Variants in CDIN1 observed in about 807,000 individuals in gnomAD.
The protein encoded by CDIN1 is CDAN1 interacting nuclease 1.
In CDIN1, 33 loss-of-function variants were observed where a neutral mutation model predicts 45.3. The observed-to-expected ratio is 0.73, with a 90% CI of 0.55 to 0.97. The LOEUF (loss-of-function observed/expected upper bound fraction) is 0.97. Ranked by LOEUF, CDIN1 falls within the 50% of genes least tolerant of loss-of-function variation. The pLI is 0.00. For synonymous variants in CDIN1, 118 were observed against 124.4 expected, an observed-to-expected ratio of 0.95 and a Z score of 0.34; for missense variants, 303 against 339.4, an observed-to-expected ratio of 0.89 and a Z score of 0.84.
chr15:36,762,001 G>A (rs2053777641), intron 10 of CDIN1, among the ~76,000 whole-genome samples: 1 of 152,172 alleles, frequency 6.6e-6, no homozygotes, highest in African/African-American at 2.4e-5. Context: ...CTCACAGGCT[G>A]GCCCCGGAAG....
chr15:36,619,241 A>C (rs1265946069), intron 1 of CDIN1: 1 of 1,296,880 alleles, frequency 7.7e-7, no homozygotes, highest in Non-Finnish European at 1.0e-6. Flanking sequence ...GGCAAAGAGC[A>C]ATATGTGCCA....
chr15:36,691,746 A>G lies in CDIN1; in HGVS notation c.408A>G (p.Leu136=). Residue 136 remains leucine (L), a synonymous_variant, in exon 6 of 11, where the codon CTA becomes CTG. Coordinates refer to ENST00000566621, the MANE Select transcript of CDIN1 (RefSeq NM_001321759.2). ...CTTCTCAGATTCCAGATGGAGTTCT[A>G]GCAAATCAGGTCTATCAGGTATTAA... ...RDPSQIPDGV[L]ANQVYQCIVN... 6.2e-7 allele frequency: 1 copy of G among 1,600,476 alleles called. No homozygotes were observed. The highest frequency in any genetic ancestry group is 8.5e-7 in the Non-Finnish European group (1 of 1,171,918).
At chr15:36,630,120 G>T (rs753346223) in intron 1 of CDIN1, among the ~76,000 whole-genome samples, 10 of 152,122 alleles carry the variant, frequency 6.6e-5, no homozygotes, top group Non-Finnish European at 1.3e-4. Context: ...GTGAATAAAA[G>T]AAGTTAATTA....
At chr15:36,722,275 G>A (rs1014921885) in intron 10 of CDIN1, among the ~76,000 whole-genome samples, 4 of 148,524 alleles carry the variant, frequency 2.7e-5, no homozygotes, top group African/African-American at 1.0e-4. Context: ...AGAGTACTGT[G>A]CAGTCCTTCA....
At chr15:36,598,355 A>C (rs2037935127) in intron 1 of CDIN1, among the ~76,000 whole-genome samples, 1 of 147,560 alleles carries the variant, frequency 6.8e-6, no homozygotes, top group African/African-American at 2.5e-5. Context: ...TTTTAAACAA[A>C]ATAGTCCATT....
intron 10 of CDIN1, among the ~76,000 whole-genome samples, chr15:36,774,955 G>C (rs1323070318): frequency 1.3e-5 from 2 of 152,224 alleles, no homozygotes; most frequent in African/African-American, 4.8e-5. Flanking sequence ...TATTATTGAT[G>C]ACATAAATGT....
intron 1 of CDIN1, among the ~76,000 whole-genome samples, chr15:36,616,064 A>G (rs370793054): frequency 1.4e-4 from 21 of 152,322 alleles, no homozygotes; most frequent in African/African-American, 5.1e-4. Flanking sequence ...CATAAGCGGC[A>G]TGATGTAGCC....
intron 5 of CDIN1, among the ~76,000 whole-genome samples, chr15:36,665,737 T>C (rs1404675786): frequency 6.6e-6 from 1 of 152,212 alleles, no homozygotes; most frequent in East Asian, 1.9e-4. Context: ...AAGTCAAAAA[T>C]GGTTCATAAT....
At chr15:36,762,445 T>C (rs1011030041) in intron 10 of CDIN1, among the ~76,000 whole-genome samples, 1 of 152,174 alleles carries the variant, frequency 6.6e-6, no homozygotes, top group African/African-American at 2.4e-5. Flanking sequence ...AGATGACTTT[T>C]GCCGAGGCAC....
chr15:36,655,932 T>C (rs898227432), intron 4 of CDIN1, among the ~76,000 whole-genome samples: 23 of 152,174 alleles, frequency 1.5e-4, no homozygotes, highest in African/African-American at 5.3e-4. Flanking sequence ...TCTAGTAATA[T>C]GGAAAAATTT....
intron 8 of CDIN1, among the ~76,000 whole-genome samples, chr15:36,701,502 G>C (rs959534137): frequency 1.3e-5 from 2 of 152,076 alleles, no homozygotes; most frequent in African/African-American, 2.4e-5. Context: ...TGCCCTGTTA[G>C]CTAAAATATG....
intron 10 of CDIN1, among the ~76,000 whole-genome samples, chr15:36,806,724 C>A (rs2055238579): frequency 1.3e-5 from 2 of 152,120 alleles, no homozygotes; most frequent in Non-Finnish European, 2.9e-5. Flanking sequence ...TCATAGAGCT[C>A]TTTGTAAAAT....
chr15:36,599,465 C>G (rs1172660423), intron 1 of CDIN1, among the ~76,000 whole-genome samples: 2 of 152,148 alleles, frequency 1.3e-5, no homozygotes, highest in African/African-American at 4.8e-5. Context: ...CTAGTGCTTT[C>G]TCAGTGCTTT....
chr15:36,804,604 CA>C (rs945610751), intron 10 of CDIN1: 3 of 149,892 alleles, frequency 2.0e-5, no homozygotes, highest in African/African-American at 7.4e-5. Flanking sequence ...ACAGAAGGGC[CA>C]GCTTTAGTTC....
rs370031340 is a variant in CDIN1, at chr15:36,711,353, A to G, written c.716+1392A>G. Reference sequence around the variant, plus strand: ...TTTTCTAAGGAAAAATTACAAACCAAATCCCAAATACTAGAGCTTACTTCA... The same window carrying G: ...TTTTCTAAGGAAAAATTACAAACCAGATCCCAAATACTAGAGCTTACTTCA... On this transcript the variant is annotated intron_variant, in intron 10 of 10. Coordinates refer to ENST00000566621, the MANE Select transcript of CDIN1 (RefSeq NM_001321759.2). Among the ~76,000 whole-genome samples the G allele has an allele frequency of 2.6e-5, 4 of 152,270 alleles. No individual in the cohort carries two copies. In the East Asian group the frequency reaches 7.7e-4, roughly 29 times the overall value.
intron 5 of CDIN1, among the ~76,000 whole-genome samples, chr15:36,669,813 G>A (rs564898049): frequency 1.2e-4 from 18 of 152,196 alleles, no homozygotes; most frequent in Non-Finnish European, 2.4e-4. Flanking sequence ...AGAATAAGGT[G>A]AAGTTCCCTT....
At chr15:36,634,452 A>G (rs558716636) in intron 1 of CDIN1, among the ~76,000 whole-genome samples, 1 of 152,210 alleles carries the variant, frequency 6.6e-6, no homozygotes, top group South Asian at 2.1e-4. Context: ...AGTTTTATAT[A>G]TTTTTTAAAA....
chr15:36,675,901 C>G lies in CDIN1; in HGVS notation c.347-15784C>G, dbSNP rs1392537497. Among the ~76,000 whole-genome samples, 5 of 152,088 alleles carry G rather than the reference C, an allele frequency of 3.3e-5. No homozygotes were observed. In the East Asian group the frequency reaches 9.6e-4, roughly 29 times the overall value. On this transcript the variant is annotated intron_variant, in intron 5 of 10. Transcript: ENST00000566621. ...TGTCTCTCCTTAAAATGAAGCTGACCTGTACCTCGCCTTCGTTGCATAGGT... is the reference window on the plus strand; with the variant it reads ...TGTCTCTCCTTAAAATGAAGCTGACGTGTACCTCGCCTTCGTTGCATAGGT...
chr15:36,687,334 A>G (rs547555310), intron 5 of CDIN1, among the ~76,000 whole-genome samples: 2 of 152,310 alleles, frequency 1.3e-5, no homozygotes, highest in East Asian at 3.9e-4. Flanking sequence ...ACATAATGAC[A>G]CAATAAAGTT....
Sources: allele counts gnomAD v4.1 joint callset (sites outside exome capture counted in the v4.1 genomes callset), GRCh38; gene constraint gnomAD v4.1.1; transcripts MANE v1.5; gene names NCBI Gene and HGNC (gene_info 2026-07-23, HGNC 2026-07-21).